Variants in SPA17 observed in about 807,000 individuals in gnomAD.
The protein encoded by SPA17 is sperm surface protein Sp17.
Under a neutral mutation model 13.8 loss-of-function variants are expected in SPA17, and 7 were observed. The observed-to-expected ratio is 0.51, with a 90% CI of 0.29 to 0.95. The LOEUF (loss-of-function observed/expected upper bound fraction) is 0.95, where lower values mean the gene tolerates loss of function less well. SPA17 is among the 40% of genes least tolerant of loss of function. The pLI, the probability that SPA17 is intolerant of heterozygous loss-of-function variation, is 0.08. For missense variants in SPA17, 170 were observed against 179.3 expected, an observed-to-expected ratio of 0.95 and a Z score of 0.30; for synonymous variants, 61 against 59.0, an observed-to-expected ratio of 1.03 and a Z score of -0.16.
At chr11:124,679,454 T>C (rs540054667) in intron 2 of SPA17, among the ~76,000 whole-genome samples, 14 of 152,306 alleles carry the variant, frequency 9.2e-5, no homozygotes, top group African/African-American at 3.4e-4. Context: ...ATAAGATTTT[T>C]GGTGCAGGAA....
chr11:124,693,483 G>GAC (rs1208620578), intron 4 of SPA17, among the ~76,000 whole-genome samples: 61 of 145,668 alleles, frequency 4.2e-4, no homozygotes, highest in Non-Finnish European at 7.3e-4. Context: ...AAAATAAAAA[G>GAC]ACATATATAT....
chr11:124,681,603 T>C (rs1215117128), intron 3 of SPA17, 144 bp downstream of exon 3: 1 of 296,688 alleles, frequency 3.4e-6, no homozygotes, highest in African/African-American at 2.2e-5. Context: ...TAAAATTTAA[T>C]AAATCTTATT....
chr11:124,676,417 A>G (rs1033048497), intron 2 of SPA17: 1 of 152,234 alleles, frequency 6.6e-6, no homozygotes, highest in East Asian at 1.9e-4. Flanking sequence ...GGTAAAGGTG[A>G]CTAGAAATAG....
At chr11:124,693,945 A>G (rs1943648077) in intron 4 of SPA17, among the ~76,000 whole-genome samples, 1 of 152,236 alleles carries the variant, frequency 6.6e-6, no homozygotes, top group Admixed American at 6.5e-5. Flanking sequence ...CATAACATTT[A>G]CAGTTCTTTC....
chr11:124,675,540 A>G, intron 2 of SPA17, 122 bp downstream of exon 2: 2 of 1,050,610 alleles, frequency 1.9e-6, no homozygotes, highest in Non-Finnish European at 2.7e-6. Flanking sequence ...AGTTTCAGAT[A>G]ACAGTTCTTG....
rs1943653370 is a variant in SPA17 at position 124,694,374 on chromosome 11, C to T, written c.384C>T (p.His128=). ...AVKIQAAFRG[H]IAREEAKKMK... is the part of the protein sequence containing the mutation. Reference sequence around the variant, plus strand: ...AAATCCAAGCTGCCTTCCGGGGACACATAGCCAGAGAGGAGGCAAAGAAAA... The same window carrying T: ...AAATCCAAGCTGCCTTCCGGGGACATATAGCCAGAGAGGAGGCAAAGAAAA... Residue 128 remains histidine, a synonymous_variant, in exon 5 of 5, where the codon CAC becomes CAT. Coordinates refer to ENST00000227135, the MANE Select transcript of SPA17 (RefSeq NM_017425.4). 1 of 1,613,910 alleles carries T rather than the reference C, an allele frequency of 6.2e-7. No individual in the cohort carries two copies. The highest frequency in any genetic ancestry group is 8.5e-7 in the Non-Finnish European group (1 of 1,179,954).
At position 124,695,788 on chromosome 11, in the gene SPA17, A is replaced by C. The variant is rs900862278; in HGVS notation, c.*1342A>C. The C allele has an allele frequency of 6.6e-6, 1 of 152,278 alleles. No individual in the cohort carries two copies. The highest frequency in any genetic ancestry group is 2.4e-5 in the African/African-American group (1 of 41,468). 9.4% of individuals were successfully genotyped at this position (152,278 alleles called of 1,614,324 possible). On this transcript the variant is annotated 3_prime_UTR_variant, in exon 5 of 5. Coordinates refer to ENST00000227135, the MANE Select transcript of SPA17 (RefSeq NM_017425.4). ...AGCCAGTGTTCCCCCAAAGCTTAAA[A>C]ACAAGCCAGGATGGCTCAGTCCTGA...
intron 2 of SPA17, among the ~76,000 whole-genome samples, chr11:124,678,240 A>C (rs143304984): frequency 2.6e-4 from 40 of 152,096 alleles, no homozygotes; most frequent in African/African-American, 8.2e-4. Context: ...AATGAGAACT[A>C]TCTCTCGATA....
intron 3 of SPA17, among the ~76,000 whole-genome samples, chr11:124,687,774 A>G (rs1326084222): frequency 1.3e-5 from 2 of 152,194 alleles, no homozygotes; most frequent in Non-Finnish European, 2.9e-5. Flanking sequence ...TAGGCATAGA[A>G]GGAACATACC....
intron 2 of SPA17, among the ~76,000 whole-genome samples, chr11:124,678,143 AG>A (rs1177782708): frequency 6.6e-6 from 1 of 152,252 alleles, no homozygotes; most frequent in Non-Finnish European, 1.5e-5. Flanking sequence ...CATTCTTTGT[AG>A]AAACAACCCA....
At chr11:124,678,233 G>C (rs1357645235) in intron 2 of SPA17, among the ~76,000 whole-genome samples, 1 of 152,136 alleles carries the variant, frequency 6.6e-6, no homozygotes, top group African/African-American at 2.4e-5. Flanking sequence ...TTTCAAAAAT[G>C]AGAACTATCT....
rs1240741850 is a variant in SPA17 at position 124,694,881 on chromosome 11, A to C, written c.*435A>C. 1 of 152,876 alleles carries C rather than the reference A, an allele frequency of 6.5e-6. No individual in the cohort carries two copies. Among genetic ancestry groups the C allele is most frequent in the Non-Finnish European group, 1.5e-5 (1 of 68,534 alleles). 9.5% of individuals were successfully genotyped at this position (152,876 alleles called of 1,614,324 possible). A position where few individuals can be genotyped will look rare whatever the true frequency, so the allele number is the denominator to read the frequency against. On this transcript the variant is annotated 3_prime_UTR_variant, in exon 5 of 5. Coordinates refer to ENST00000227135, the MANE Select transcript of SPA17 (RefSeq NM_017425.4). Reference sequence around the variant, plus strand: ...CTATTTAATTTTGGAATTTTTAGAAAGATAAGCTGGGACAAAAATCTGCCT... The same window carrying C: ...CTATTTAATTTTGGAATTTTTAGAACGATAAGCTGGGACAAAAATCTGCCT...
At chr11:124,678,946 G>C (rs1004407308) in intron 2 of SPA17, among the ~76,000 whole-genome samples, 4 of 151,976 alleles carry the variant, frequency 2.6e-5, no homozygotes, top group Non-Finnish European at 4.4e-5. Context: ...AGGGTAGAGA[G>C]AACATGATAG....
chr11:124,677,124 C>T (rs1943474797), intron 2 of SPA17, among the ~76,000 whole-genome samples: 2 of 152,158 alleles, frequency 1.3e-5, no homozygotes, highest in Non-Finnish European at 2.9e-5. Flanking sequence ...GACACTAGCT[C>T]TCTAATAAAC....
At chr11:124,687,156 T>G (rs1484188222) in intron 3 of SPA17, among the ~76,000 whole-genome samples, 1 of 151,970 alleles carries the variant, frequency 6.6e-6, no homozygotes, top group Non-Finnish European at 1.5e-5. Flanking sequence ...TTATGAACAA[T>G]TATACACTCA....
At chr11:124,675,110 G>C in intron 1 of SPA17, 128 bp from the exon 2 acceptor site, 1 of 880,356 alleles carries the variant, frequency 1.1e-6, no homozygotes, top group Non-Finnish European at 1.7e-6. Context: ...GATGGGCTTG[G>C]GTTGTGTTAG....
At chr11:124,678,696 C>G (rs1445166663) in intron 2 of SPA17, among the ~76,000 whole-genome samples, 1 of 152,058 alleles carries the variant, frequency 6.6e-6, no homozygotes, top group African/African-American at 2.4e-5. Context: ...TACAGGCATG[C>G]ACAAACACGC....
intron 3 of SPA17, among the ~76,000 whole-genome samples, chr11:124,682,635 C>G (rs1483965109): frequency 6.6e-6 from 1 of 151,862 alleles, no homozygotes; most frequent in Non-Finnish European, 1.5e-5. Context: ...ATAGACTAGA[C>G]TAAGTGGAAC....
rs1312094513 is a variant in SPA17 at position 124,694,922 on chromosome 11, A to G, written c.*476A>G. 1.3e-5 allele frequency: 2 copies of G among 152,732 alleles called. No individual in the cohort carries two copies. The highest frequency in any genetic ancestry group is 2.9e-5 in the Non-Finnish European group (2 of 68,482). The allele number at this position is 152,732 out of a possible 1,614,324, so 9.5% of individuals were successfully genotyped here. ...AAATCTGCCTCCTTCAGCCTGGCCA[A>G]CATGGTGAAACCCCATGTCTACTAA... is the stretch of plus-strand genomic sequence containing the variant. On this transcript the variant is annotated 3_prime_UTR_variant, in exon 5 of 5. Transcript: ENST00000227135.
Sources: gnomAD v4.1 joint callset for allele counts (sites outside exome capture counted in the v4.1 genomes callset) on GRCh38, gnomAD v4.1.1 for gene constraint, MANE v1.5 for transcripts, NCBI Gene and HGNC (gene_info 2026-07-23, HGNC 2026-07-21) for gene names.